YAP1: variants seen among roughly 807,000 people sequenced by gnomAD.
YAP1 encodes the protein transcriptional coactivator YAP1.
YAP1 carries 5 observed loss-of-function variants against 56.9 expected under a neutral mutation model. The observed-to-expected ratio is 0.09, with a 90% confidence interval of 0.05 to 0.18. YAP1 has a LOEUF of 0.18. Among genes scored for constraint, YAP1 ranks in the 10% least tolerant of loss-of-function variants. YAP1 has a pLI of 1.00. For missense variants in YAP1, 539 were observed against 651.8 expected (o/e 0.83, Z 1.88); for synonymous variants, 265 against 248.1 (o/e 1.07, Z -0.64).
At chr11:102,145,235 T>G (rs1945263959) in intron 2 of YAP1, among the ~76,000 whole-genome samples, 1 of 152,210 alleles carries the variant, frequency 6.6e-6, no homozygotes, top group Non-Finnish European at 1.5e-5. Context: ...GTGCTCTGCC[T>G]AATGATTGGA....
intron 2 of YAP1, among the ~76,000 whole-genome samples, chr11:102,147,510 C>G (rs940043207): frequency 7.2e-5 from 11 of 152,064 alleles, no homozygotes; most frequent in Non-Finnish European, 1.6e-4. Context: ...CATTGAGCAC[C>G]TTTTATGCTT....
At chr11:102,122,937 C>A (rs1030807269) in intron 2 of YAP1, among the ~76,000 whole-genome samples, 1 of 141,602 alleles carries the variant, frequency 7.1e-6, no homozygotes, top group African/African-American at 2.6e-5. Flanking sequence ...GAGCAATGAC[C>A]CTCTTTTCTT....
intron 4 of YAP1, among the ~76,000 whole-genome samples, chr11:102,188,886 AAG>A (rs1339926261): frequency 6.6e-5 from 10 of 152,164 alleles, no homozygotes; most frequent in Non-Finnish European, 1.3e-4. Context: ...TAGGGAATAA[AAG>A]AGTAATTTGT....
intron 3 of YAP1, among the ~76,000 whole-genome samples, chr11:102,172,062 G>A (rs1037315757): frequency 7.9e-5 from 12 of 151,748 alleles, no homozygotes; most frequent in East Asian, 7.8e-4. Context: ...GTTTGGTGCC[G>A]TTTGCCTGTA....
In YAP1 at chr11:102,209,529, A is replaced by G; in HGVS notation, c.997A>G (p.Ile333Val). The G allele has an allele frequency of 6.2e-7, 1 of 1,605,514 alleles. No individual in the cohort carries two copies. Among genetic ancestry groups the G allele is most frequent in the Non-Finnish European group, 8.5e-7 (1 of 1,177,194 alleles). Residue 333 changes from isoleucine to valine, a missense_variant, in exon 6 of 9, where the codon ATC (isoleucine) becomes GTC (valine). Coordinates refer to ENST00000282441, the MANE Select transcript of YAP1 (RefSeq NM_001130145.3). ...TTTTTACTCTTAGGCAATGCGGAAT[A>G]TCAATCCCAGCACAGCAAATTCTCC... is the stretch of plus-strand genomic sequence containing the variant. ...QELLRQAMRN[I>V]NPSTANSPKC...
chr11:102,189,274 A>G (rs1157669284), intron 4 of YAP1, among the ~76,000 whole-genome samples: 1 of 152,074 alleles, frequency 6.6e-6, no homozygotes, highest in Non-Finnish European at 1.5e-5. Context: ...TGTATATAAT[A>G]CAGTCATGGA....
chr11:102,114,010 T>G, intron 1 of YAP1, 134 bp from the exon 2 acceptor site: 1 of 705,374 alleles, frequency 1.4e-6, no homozygotes, highest in Non-Finnish European at 2.1e-6. Flanking sequence ...TGTTCTCCAG[T>G]GTCGAATATT....
At chr11:102,229,538 A>G (rs1438876915) in intron 8 of YAP1, among the ~76,000 whole-genome samples, 164 bp from the exon 9 acceptor site, 1 of 152,052 alleles carries the variant, frequency 6.6e-6, no homozygotes, top group African/African-American at 2.4e-5. Flanking sequence ...TGGCATTGTT[A>G]TTTTGTTATC....
chr11:102,161,384 AC>A (rs1290702067), intron 2 of YAP1, among the ~76,000 whole-genome samples: 6 of 145,246 alleles, frequency 4.1e-5, no homozygotes, highest in Non-Finnish European at 1.5e-5. Flanking sequence ...ACACACACAC[AC>A]ACTAAACAAT....
chr11:102,143,716 G>A (rs1390776434), intron 2 of YAP1, among the ~76,000 whole-genome samples: 1 of 152,218 alleles, frequency 6.6e-6, no homozygotes, highest in Non-Finnish European at 1.5e-5. Context: ...TGTTTTATCT[G>A]AAAACCAGTG....
At position 102,162,558 on chromosome 11, in the gene YAP1, G is replaced by T; in HGVS notation, c.675G>T (p.Met225Ile). Residue 225 changes from methionine to isoleucine, a missense_variant, in exon 3 of 9, where the codon ATG (methionine) becomes ATT (isoleucine). Physicochemically the swap from Met to Ile is conservative, Grantham distance 10. Transcript: ENST00000282441. Reference protein sequence around the residue: ...PTSPPVQQNMMNSASGPLPDG... With the variant: ...PTSPPVQQNMINSASGPLPDG... ...GTCCACCAGTGCAGCAGAATATGAT[G>T]AACTCGGCTTCAGGTGAGTGAGACA... 4 of 1,614,146 alleles carry T rather than the reference G, an allele frequency of 2.5e-6. No individual in the cohort carries two copies. Among genetic ancestry groups the T allele is most frequent in the Non-Finnish European group, 3.4e-6 (4 of 1,180,002 alleles).
chr11:102,110,980 G>T lies in YAP1; in HGVS notation c.132G>T (p.Ala44=). The T allele has an allele frequency of 1.3e-6, 2 of 1,535,368 alleles. No individual in the cohort carries two copies. Among genetic ancestry groups the T allele is most frequent in the Non-Finnish European group, 1.7e-6 (2 of 1,143,382 alleles). The change falls in exon 1 of 9, where the codon GCG becomes GCT. Residue 44 remains alanine, a synonymous_variant. Transcript: ENST00000282441. The stretch of plus-strand genomic sequence containing the variant: ...CGGCACCCGCGGCGACCCAGGCGGC[G>T]CCGCAGGCACCCCCCGCCGGGCATC... The part of the protein sequence containing the change: ...GQPAPAATQA[A]PQAPPAGHQI...
intron 2 of YAP1, among the ~76,000 whole-genome samples, chr11:102,127,032 A>G (rs933210779): frequency 2.6e-5 from 4 of 152,234 alleles, no homozygotes; most frequent in Admixed American, 2.0e-4. Flanking sequence ...TCTAAGCAGC[A>G]AAGCATTCAA....
intron 8 of YAP1, among the ~76,000 whole-genome samples, chr11:102,228,634 C>CAAAAAAAAAAAAAAAAAAAAAAAAAAAAA (rs71059544): frequency 3.8e-4 from 12 of 31,644 alleles, no homozygotes; most frequent in Non-Finnish European, 7.6e-4. Context: ...GACTCCGTCT[C>CAAAAAAAAAAAAAAAAAAAAAAAAAAAAA]AAAAAAAAAA....
chr11:102,148,120 G>A (rs1369227028), intron 2 of YAP1, among the ~76,000 whole-genome samples: 2 of 152,108 alleles, frequency 1.3e-5, no homozygotes, highest in Non-Finnish European at 2.9e-5. Context: ...AATTTTGAAT[G>A]CTTTTACTCT....
At chr11:102,162,855 C>T (rs571418305) in intron 3 of YAP1, among the ~76,000 whole-genome samples, 26 of 152,128 alleles carry the variant, frequency 1.7e-4, no homozygotes, top group South Asian at 1.2e-3. Flanking sequence ...TTAATTTTGA[C>T]GTATTTGGTT....
intron 4 of YAP1, among the ~76,000 whole-genome samples, chr11:102,190,342 AAC>A (rs954902527): frequency 1.3e-5 from 2 of 152,182 alleles, no homozygotes; most frequent in Admixed American, 1.3e-4. Context: ...AAAAATTATT[AAC>A]AGATGGCCAG....
intron 2 of YAP1, among the ~76,000 whole-genome samples, chr11:102,133,846 C>T (rs1944516309): frequency 1.3e-5 from 2 of 152,112 alleles, no homozygotes; most frequent in African/African-American, 4.8e-5. Flanking sequence ...AAATTTATTT[C>T]TTATAGTTTT....
In YAP1 at chr11:102,233,094, G is replaced by A. The variant is rs796867691; in HGVS notation, c.*3154G>A. On this transcript the variant is annotated 3_prime_UTR_variant, in exon 9 of 9. Transcript: ENST00000282441. ...ATTCAGTGCTTAACACTTTTCTAGC[G>A]TTGGTACATCTGAGAAATGAGTGCT... is the stretch of plus-strand genomic sequence containing the variant. The A allele has an allele frequency of 3.9e-5, 6 of 152,164 alleles. No individual in the cohort carries two copies. The highest frequency in any genetic ancestry group is 7.2e-5 in the African/African-American group (3 of 41,438). 9.4% of individuals were successfully genotyped at this position (152,164 alleles called of 1,614,324 possible). A position where few individuals can be genotyped will look rare whatever the true frequency, so the allele number is the denominator to read the frequency against.
Sources: allele counts gnomAD v4.1 joint callset (sites outside exome capture counted in the v4.1 genomes callset), GRCh38; gene constraint gnomAD v4.1.1; transcripts MANE v1.5; gene names NCBI Gene and HGNC (gene_info 2026-07-23, HGNC 2026-07-21).